DOCK4: variants seen among roughly 807,000 people sequenced by gnomAD.
DOCK4 encodes the protein dedicator of cytokinesis protein 4.
DOCK4 carries 97 observed loss-of-function variants against 268.1 expected under a neutral mutation model. The observed-to-expected ratio is 0.36, with a 90% CI of 0.31 to 0.43. DOCK4 has a LOEUF of 0.43. Ranked by LOEUF, DOCK4 falls within the 20% of genes least tolerant of loss-of-function variation. DOCK4 has a pLI of 1.00. For synonymous variants in DOCK4, 954 were observed against 887.2 expected, an observed-to-expected ratio of 1.08 and a Z score of -1.34; for missense variants, 2,145 against 2,455.7, an observed-to-expected ratio of 0.87 and a Z score of 2.67.
At chr7:112,054,568 CA>C (rs60712659) in intron 1 of DOCK4, among the ~76,000 whole-genome samples, 1 of 148,154 alleles carries the variant, frequency 6.7e-6, no homozygotes, top group South Asian at 2.1e-4. Flanking sequence ...GAATTACTGA[CA>C]AAAAAAAACA....
intron 44 of DOCK4, among the ~76,000 whole-genome samples, chr7:111,742,670 C>T (rs1223124757): frequency 6.6e-6 from 1 of 152,206 alleles, no homozygotes; most frequent in African/African-American, 2.4e-5. Flanking sequence ...AATTCTATGA[C>T]AGTTTCCATG....
intron 1 of DOCK4, among the ~76,000 whole-genome samples, chr7:112,132,077 G>A (rs956496780): frequency 9.2e-5 from 14 of 152,188 alleles, no homozygotes; most frequent in South Asian, 4.1e-4. Context: ...AGGATGAAAC[G>A]AGCATGGGGT....
rs1297662728 is a variant in DOCK4, at chr7:111,739,385, C to T, written c.5122+11G>A. ...GGGCACCCTCAGTCTTCCCCACACT[C>T]TGGCACTGACCTCTGGCACTCGATG... On this transcript the variant is annotated intron_variant, in intron 48 of 52. Coordinates refer to ENST00000428084, the MANE Select transcript of DOCK4 (RefSeq NM_001363540.2). The T allele has an allele frequency of 3.1e-6, 5 of 1,592,068 alleles. No homozygotes were observed. The Admixed American group carries it at 5.4e-5, about 17-fold the overall frequency.
At chr7:111,819,900 T>C (rs1369060315) in intron 27 of DOCK4, 1 of 152,180 alleles carries the variant, frequency 6.6e-6, no homozygotes, top group East Asian at 1.9e-4. Flanking sequence ...GAAGAAAAGG[T>C]GGTCAACTTC....
intron 4 of DOCK4, 21 bp downstream of exon 4, chr7:111,998,427 C>T: frequency 6.5e-7 from 1 of 1,536,860 alleles, no homozygotes; most frequent in Non-Finnish European, 8.8e-7. Flanking sequence ...CCTCCAACTA[C>T]TAATAAAACT....
rs187877210 is a variant in DOCK4 at position 112,151,224 on chromosome 7, G to A, written c.37+54878C>T. Among the ~76,000 whole-genome samples, 774 of 152,240 alleles carry A rather than the reference G, an allele frequency of 5.1e-3. 7 individuals are homozygous for A. Among genetic ancestry groups the A allele is most frequent in the African/African-American group, 0.018 (740 of 41,558 alleles). ...ACGCCTGGGGCTTTGGCATCAGAAC[G>A]GGAGCTGGTGGCCCACCTTCAGTAG... On this transcript the variant is annotated intron_variant, in intron 1 of 52. Coordinates refer to ENST00000428084, the MANE Select transcript of DOCK4 (RefSeq NM_001363540.2).
intron 1 of DOCK4, among the ~76,000 whole-genome samples, chr7:112,047,990 C>T (rs996679463): frequency 1.2e-4 from 18 of 152,080 alleles, no homozygotes; most frequent in Non-Finnish European, 2.1e-4. Flanking sequence ...TATGCCTGGC[C>T]GAGAAAAAAA....
chr7:111,933,289 TA>T (rs1794407986), intron 12 of DOCK4, among the ~76,000 whole-genome samples: 1 of 122,190 alleles, frequency 8.2e-6, no homozygotes, highest in Admixed American at 8.1e-5. Context: ...CATATATATA[TA>T]TATATATATT....
intron 1 of DOCK4, among the ~76,000 whole-genome samples, chr7:112,085,500 A>T (rs1808996280): frequency 2.0e-5 from 3 of 152,146 alleles, no homozygotes; most frequent in Admixed American, 2.0e-4. Flanking sequence ...TTATGATTCC[A>T]AAAAGTTATA....
chr7:111,976,205 T>G (rs1219170497), intron 8 of DOCK4, among the ~76,000 whole-genome samples: 1 of 77,736 alleles, frequency 1.3e-5, no homozygotes, highest in Non-Finnish European at 2.3e-5. Flanking sequence ...CACACGCACA[T>G]ATGTGTGTGT....
chr7:112,103,737 C>G (rs924643786), intron 1 of DOCK4, among the ~76,000 whole-genome samples: 1 of 152,066 alleles, frequency 6.6e-6, no homozygotes, highest in African/African-American at 2.4e-5. Context: ...CAAAAATTAG[C>G]CAGGCATGGT....
chr7:111,846,098 C>T (rs1015844598), intron 24 of DOCK4, among the ~76,000 whole-genome samples: 7 of 152,124 alleles, frequency 4.6e-5, no homozygotes, highest in Non-Finnish European at 1.0e-4. Flanking sequence ...AACTCTGTTC[C>T]CACGCTACTG....
intron 1 of DOCK4, among the ~76,000 whole-genome samples, chr7:112,046,092 T>G (rs1563028696): frequency 2.6e-5 from 4 of 152,198 alleles, no homozygotes; most frequent in African/African-American, 9.7e-5. Flanking sequence ...GCTTGTCAAC[T>G]CAAAACATCC....
chr7:111,858,860 C>T (rs1805242025), intron 23 of DOCK4, among the ~76,000 whole-genome samples: 2 of 151,862 alleles, frequency 1.3e-5, no homozygotes, highest in South Asian at 4.2e-4. Context: ...GACACATACA[C>T]CCTATTGGTT....
At chr7:111,891,965 T>G (rs1254622203) in intron 16 of DOCK4, among the ~76,000 whole-genome samples, 1 of 152,294 alleles carries the variant, frequency 6.6e-6, no homozygotes, top group South Asian at 2.1e-4. Context: ...GGGTTACCTA[T>G]GGGGTTATAA....
intron 4 of DOCK4, among the ~76,000 whole-genome samples, chr7:111,995,321 G>A (rs533761872): frequency 3.3e-5 from 5 of 152,054 alleles, no homozygotes; most frequent in African/African-American, 9.6e-5. Flanking sequence ...GTGAGCCACC[G>A]CGCCTGGCTG....
chr7:111,739,254 A>G lies in DOCK4; in HGVS notation c.5123-11T>C, dbSNP rs1023601108. 5.0e-6 allele frequency: 8 copies of G among 1,610,872 alleles called. No individual in the cohort carries two copies. Among genetic ancestry groups the G allele is most frequent in the Admixed American group, 3.3e-5 (2 of 60,014 alleles). ...ACAACAAAGGAGAAGCTGGGAAGAG[A>G]AGGAGAGAGAGGATCATCAGCATGG... is the stretch of plus-strand genomic sequence containing the variant. On this transcript the variant is annotated splice_polypyrimidine_tract_variant and intron_variant, in intron 48 of 52. Coordinates refer to ENST00000428084, the MANE Select transcript of DOCK4 (RefSeq NM_001363540.2).
intron 8 of DOCK4, among the ~76,000 whole-genome samples, chr7:111,951,986 A>G (rs958984228): frequency 3.9e-5 from 6 of 151,998 alleles, no homozygotes; most frequent in Admixed American, 2.0e-4. Context: ...GGCCAAGCAC[A>G]GTGTCACACT....
At chr7:112,017,003 A>T (rs964885761) in intron 1 of DOCK4, among the ~76,000 whole-genome samples, 1 of 152,206 alleles carries the variant, frequency 6.6e-6, no homozygotes, top group Non-Finnish European at 1.5e-5. Flanking sequence ...GATTAACTGT[A>T]ATCATCTTCA....
Sources: gnomAD v4.1 joint callset for allele counts (sites outside exome capture counted in the v4.1 genomes callset) on GRCh38, gnomAD v4.1.1 for gene constraint, MANE v1.5 for transcripts, NCBI Gene and HGNC (gene_info 2026-07-23, HGNC 2026-07-21) for gene names.